AKR1C2: variants seen among roughly 807,000 people sequenced by gnomAD.
The protein encoded by AKR1C2 is 3-alpha-HSD3.
Under a neutral mutation model 39.8 loss-of-function variants are expected in AKR1C2, and 27 were observed. The ratio of observed to expected loss-of-function variants is 0.68; its 90% CI spans 0.50 to 0.93. The LOEUF is 0.93. Ranked by LOEUF, AKR1C2 falls within the 40% of genes least tolerant of loss-of-function variation. AKR1C2 has a pLI of 0.00. For missense variants in AKR1C2, 263 were observed against 365.1 expected, an observed-to-expected ratio of 0.72 and a Z score of 2.28; for synonymous variants, 114 against 137.9, an observed-to-expected ratio of 0.83 and a Z score of 1.22.
At chr10:5,002,983 A>G (rs74111931) in intron 1 of AKR1C2, among the ~76,000 whole-genome samples, 2,220 of 152,298 alleles carry the variant, frequency 0.015, 50 homozygotes, top group African/African-American at 0.05. Context: ...TTATATAACT[A>G]GTTCCTATTC....
At chr10:5,003,719 T>C in intron 1 of AKR1C2, 33 bp downstream of exon 1, 7 of 1,595,444 alleles carry the variant, frequency 4.4e-6, no homozygotes, top group Non-Finnish European at 6.0e-6. Context: ...TCTAGCTCCT[T>C]TGAACTCTCA....
At chr10:5,012,886 GA>G (rs1310543164) in intron 1 of AKR1C2, among the ~76,000 whole-genome samples, 15 of 152,048 alleles carry the variant, frequency 9.9e-5, no homozygotes, top group Non-Finnish European at 2.1e-4. Context: ...TCATCTCAAA[GA>G]AAATTGTCAT....
chr10:4,998,148 G>C (rs1323897398), intron 5 of AKR1C2, among the ~76,000 whole-genome samples: 1 of 151,160 alleles, frequency 6.6e-6, no homozygotes, highest in African/African-American at 2.4e-5. Context: ...CAAGAAGTGT[G>C]AAAGCAGAGA....
intron 1 of AKR1C2, among the ~76,000 whole-genome samples, chr10:5,009,389 T>G (rs1347289012): frequency 7.9e-5 from 12 of 152,114 alleles, no homozygotes; most frequent in Non-Finnish European, 1.5e-4. Flanking sequence ...CTCAAGCTCC[T>G]GGGGTTGATG....
chr10:4,992,583 C>G (rs1201571811), intron 7 of AKR1C2, among the ~76,000 whole-genome samples: 4 of 152,160 alleles, frequency 2.6e-5, no homozygotes, highest in Non-Finnish European at 4.4e-5. Context: ...AGATTTGTTG[C>G]ATTATTCTTT....
intron 7 of AKR1C2, among the ~76,000 whole-genome samples, chr10:4,992,630 A>T (rs1329786839): frequency 1.3e-5 from 2 of 150,010 alleles, no homozygotes; most frequent in Admixed American, 1.3e-4. Context: ...ACAAAATGAA[A>T]ATGAAAAGTT....
At chr10:5,001,006 G>A (rs781906126) in intron 2 of AKR1C2, among the ~76,000 whole-genome samples, 2 of 152,194 alleles carry the variant, frequency 1.3e-5, no homozygotes, top group Non-Finnish European at 2.9e-5. Context: ...AGCCCAATGG[G>A]CAAGACTAAG....
intron 5 of AKR1C2, chr10:4,997,297 A>G (rs1400847696): frequency 6.6e-6 from 1 of 152,408 alleles, no homozygotes; most frequent in African/African-American, 2.4e-5. Context: ...TATAAAAACA[A>G]TTGAATTCTG....
Position 4,998,856 on chromosome 10 carries a change from A to C in AKR1C2, c.448-109T>G, listed in dbSNP as rs879997964. 18 of 1,511,934 alleles carry C rather than the reference A, an allele frequency of 1.2e-5. No homozygotes were observed. In the South Asian group the frequency reaches 2.1e-4, roughly 18 times the overall value. 93.7% of individuals were successfully genotyped at this position (1,511,934 alleles called of 1,614,324 possible). A position where few individuals can be genotyped will look rare whatever the true frequency, so the allele number is the denominator to read the frequency against. ...ACTGTCTAGACGTGACAATCAAACT[A>C]GCTAGCCGTGGTTCTTAAAAGGGAG... On this transcript the variant is annotated intron_variant, in intron 4 of 8. Coordinates refer to ENST00000380753, the MANE Select transcript of AKR1C2 (RefSeq NM_001393392.1).
At chr10:5,000,450 C>G (rs782413556) in intron 3 of AKR1C2, 100 bp downstream of exon 3, 3 of 1,605,692 alleles carry the variant, frequency 1.9e-6, no homozygotes, top group Admixed American at 3.4e-5. Flanking sequence ...TGTTAAAATC[C>G]CTATGTCCTC....
intron 1 of AKR1C2, among the ~76,000 whole-genome samples, chr10:5,010,909 G>A (rs1341872539): frequency 2.0e-5 from 3 of 151,886 alleles, no homozygotes; most frequent in Non-Finnish European, 4.4e-5. Flanking sequence ...AAAATCTAAG[G>A]TAAACTTATT....
chr10:5,009,884 G>A (rs1837484748), intron 1 of AKR1C2, among the ~76,000 whole-genome samples: 1 of 146,830 alleles, frequency 6.8e-6, no homozygotes, highest in South Asian at 2.3e-4. Context: ...GAAGAGTCCG[G>A]CCACTGGGCA....
chr10:5,005,473 G>C (rs1837382587), upstream of AKR1C2, among the ~76,000 whole-genome samples: 1 of 151,938 alleles, frequency 6.6e-6, no homozygotes, highest in South Asian at 2.1e-4. Context: ...ACGAGGTTAG[G>C]AGATGGAAAC....
chr10:5,016,807 G>A (rs1167997106), intron 1 of AKR1C2, among the ~76,000 whole-genome samples: 1 of 152,198 alleles, frequency 6.6e-6, no homozygotes, highest in Non-Finnish European at 1.5e-5. Context: ...GCAGGCTTCT[G>A]CCTGGACGTC....
chr10:4,992,408 A>G (rs1250351897), intron 7 of AKR1C2, among the ~76,000 whole-genome samples: 4 of 152,234 alleles, frequency 2.6e-5, no homozygotes, highest in African/African-American at 4.8e-5. Context: ...GGTACTCACT[A>G]TGTAAATTTG....
At chr10:5,011,581 T>C (rs1350596260) in intron 1 of AKR1C2, among the ~76,000 whole-genome samples, 2 of 152,224 alleles carry the variant, frequency 1.3e-5, no homozygotes, top group African/African-American at 4.8e-5. Flanking sequence ...GCACGCACAT[T>C]GATCCAGTTT....
intron 7 of AKR1C2, among the ~76,000 whole-genome samples, chr10:4,992,519 GAGAA>G (rs1290417555): frequency 2.6e-5 from 4 of 152,096 alleles, no homozygotes; most frequent in Admixed American, 6.5e-5. Context: ...CAGAAAATGA[GAGAA>G]AGAGAGTAAA....
chr10:5,012,728 G>A (rs1277619084), intron 1 of AKR1C2, among the ~76,000 whole-genome samples: 2 of 152,100 alleles, frequency 1.3e-5, no homozygotes, highest in African/African-American at 4.8e-5. Flanking sequence ...TGGTGCTTCA[G>A]GCCACAACAT....
At chr10:4,999,954 A>G in intron 3 of AKR1C2, 4 of 998,096 alleles carry the variant, frequency 4.0e-6, no homozygotes, top group Non-Finnish European at 4.8e-6. Flanking sequence ...ATCATATCTA[A>G]TATACCCTTT....
Sources: gnomAD v4.1 joint callset for allele counts (sites outside exome capture counted in the v4.1 genomes callset) on GRCh38, gnomAD v4.1.1 for gene constraint, MANE v1.5 for transcripts, NCBI Gene and HGNC (gene_info 2026-07-23, HGNC 2026-07-21) for gene names.